ZNF141: variants seen among roughly 807,000 people sequenced by gnomAD.
ZNF141 encodes zinc finger protein 141.
In ZNF141, 7 loss-of-function variants were observed where a neutral mutation model predicts 11.3. The observed-to-expected ratio is 0.62, with a 90% CI of 0.35 to 1.16. The LOEUF is 1.16. Among genes scored for constraint, ZNF141 ranks in the 50% most tolerant of loss-of-function variants. The probability of loss-of-function intolerance (pLI) is 0.02; values close to 1 mark genes in which losing one functional copy is unlikely to be tolerated. For missense variants in ZNF141, 535 were observed against 554.0 expected (o/e 0.97, Z 0.34); for synonymous variants, 183 against 190.7 (o/e 0.96, Z 0.33).
At position 384,438 on chromosome 4, in the gene ZNF141, G is replaced by A. The variant is rs1337159242; in HGVS notation, c.*10576G>A. 2 of 152,214 alleles carry A rather than the reference G, an allele frequency of 1.3e-5. No homozygotes were observed. The highest frequency in any genetic ancestry group is 3.8e-4 in the East Asian group (2 of 5,200). The allele number at this position is 152,214 out of a possible 1,614,324, so 9.4% of individuals were successfully genotyped here. On this transcript the variant is annotated 3_prime_UTR_variant, in exon 4 of 4. Coordinates refer to ENST00000240499, the MANE Select transcript of ZNF141 (RefSeq NM_003441.4). ...CACACCTGCACCACCCATGTAGCTA[G>A]CAGGAAGAAATGTGGTTAAGAACTT...
At position 376,295 on chromosome 4, in the gene ZNF141, T is replaced by C. The variant is rs1236058012; in HGVS notation, c.*2433T>C. 1.4e-4 allele frequency among the ~76,000 whole-genome samples: 22 copies of C among 152,184 alleles called. No individual in the cohort carries two copies. The highest frequency in any genetic ancestry group is 1.2e-3 in the Admixed American group (19 of 15,286). On this transcript the variant is annotated 3_prime_UTR_variant, in exon 4 of 4. Coordinates refer to ENST00000240499, the MANE Select transcript of ZNF141 (RefSeq NM_003441.4). ...TGAAGAATATCATTCCCATATGTTGTATTTTCACTCTTGTTATTTTCCGAA... is the reference window on the plus strand; with the variant it reads ...TGAAGAATATCATTCCCATATGTTGCATTTTCACTCTTGTTATTTTCCGAA...
intron 3 of ZNF141, chr4:358,203 T>TA: frequency 2.6e-6 from 1 of 385,986 alleles, no homozygotes; most frequent in South Asian, 1.9e-5. Context: ...TTTTTTTTTT[T>TA]AAAGATGGAG....
rs1560201375 is a variant in ZNF141 at position 375,857 on chromosome 4, AAGAG to A, written c.*1996_*1999del. Among the ~76,000 whole-genome samples the A allele has an allele frequency of 6.7e-6, 1 of 150,318 alleles. No homozygotes were observed. The highest frequency in any genetic ancestry group is 2.5e-5 in the African/African-American group (1 of 39,850). ...GCATTATTTGTGAATTTTTACAAGA[AAGAG>A]TGAGGACAGAAATGAAAGATCCATG... On this transcript the variant is annotated 3_prime_UTR_variant, in exon 4 of 4. Transcript: ENST00000240499.
Position 380,158 on chromosome 4 carries a change from G to T in ZNF141, c.*6296G>T, listed in dbSNP as rs1221734965. Among the ~76,000 whole-genome samples, 1 of 152,136 alleles carries T rather than the reference G, an allele frequency of 6.6e-6. No individual in the cohort carries two copies. The highest frequency in any genetic ancestry group is 2.4e-5 in the African/African-American group (1 of 41,438). On this transcript the variant is annotated 3_prime_UTR_variant, in exon 4 of 4. Transcript: ENST00000240499. Reference sequence around the variant, plus strand: ...TTATCCACATTGTTTCAAATGAAAAGATTTCCTCCCTTTTAACGTTGAATT... The same window carrying T: ...TTATCCACATTGTTTCAAATGAAAATATTTCCTCCCTTTTAACGTTGAATT...
At chr4:359,940 C>T (rs1722028277) in intron 3 of ZNF141, among the ~76,000 whole-genome samples, 1 of 152,176 alleles carries the variant, frequency 6.6e-6, no homozygotes, top group Admixed American at 6.5e-5. Context: ...ATCTAAAGGC[C>T]TTTCACCTGA....
intron 3 of ZNF141, among the ~76,000 whole-genome samples, chr4:349,924 T>C (rs1721510376): frequency 6.6e-6 from 1 of 152,204 alleles, no homozygotes. Context: ...GGGAACAGTT[T>C]CCACACTTTT....
chr4:373,765 A>G lies in ZNF141; in HGVS notation c.1328A>G (p.Lys443Arg). ...KQFSLLSQHK[K>R]IHTVDKPYKC... ...TTTTCGCTCCTGAGTCAACATAAGA[A>G]AATTCATACTGTAGATAAACCCTAC... The change falls in exon 4 of 4, where the codon AAA (lysine) becomes AGA (arginine). Residue 443 changes from lysine (K) to arginine (R), a missense_variant. By Grantham distance (26) the Lys-to-Arg change is conservative. Transcript: ENST00000240499. 5 of 1,614,032 alleles carry G rather than the reference A, an allele frequency of 3.1e-6. No homozygotes were observed. In the East Asian group the frequency reaches 1.1e-4, roughly 36 times the overall value.
Position 375,826 on chromosome 4 carries a change from A to C in ZNF141, c.*1964A>C, listed in dbSNP as rs1242760172. ...GAGATAAGAGAGATTCTTTTTCATTAGGTGGGCATTATTTGTGAATTTTTA... is the reference window on the plus strand; with the variant it reads ...GAGATAAGAGAGATTCTTTTTCATTCGGTGGGCATTATTTGTGAATTTTTA... On this transcript the variant is annotated 3_prime_UTR_variant, in exon 4 of 4. Transcript: ENST00000240499. 6.6e-6 allele frequency among the ~76,000 whole-genome samples: 1 copy of C among 152,044 alleles called. No individual in the cohort carries two copies. The highest frequency in any genetic ancestry group is 1.5e-5 in the Non-Finnish European group (1 of 67,926).
chr4:369,752 A>AT (rs1711942657), intron 3 of ZNF141, among the ~76,000 whole-genome samples: 2 of 36,674 alleles, frequency 5.5e-5, no homozygotes, highest in African/African-American at 2.5e-4. Context: ...ATATATATAT[A>AT]TATATATATA....
At chr4:347,846 A>T in intron 3 of ZNF141, among the ~76,000 whole-genome samples, 1 of 150,052 alleles carries the variant, frequency 6.7e-6, no homozygotes, top group African/African-American at 2.5e-5. Context: ...CATTTTGGAT[A>T]TTAACTTTTT....
At chr4:360,918 G>A (rs547448463) in intron 3 of ZNF141, among the ~76,000 whole-genome samples, 2 of 152,186 alleles carry the variant, frequency 1.3e-5, no homozygotes, top group South Asian at 4.1e-4. Context: ...TTCTTGGGTA[G>A]TCATCAGTAT....
chr4:381,288 T>C lies in ZNF141; in HGVS notation c.*7426T>C, dbSNP rs1712602795. The stretch of plus-strand genomic sequence containing the variant: ...AGGTTTTTATTTGTTTATAAAACTT[T>C]AAATTTATCTCTAGGAACCTCAGCC... On this transcript the variant is annotated 3_prime_UTR_variant, in exon 4 of 4. Coordinates refer to ENST00000240499, the MANE Select transcript of ZNF141 (RefSeq NM_003441.4). Among the ~76,000 whole-genome samples, 1 of 152,050 alleles carries C rather than the reference T, an allele frequency of 6.6e-6. No individual in the cohort carries two copies. The highest frequency in any genetic ancestry group is 2.4e-5 in the African/African-American group (1 of 41,410).
At chr4:339,700 A>G (rs1029901433) in intron 1 of ZNF141, among the ~76,000 whole-genome samples, 2 of 152,244 alleles carry the variant, frequency 1.3e-5, no homozygotes, top group South Asian at 2.1e-4. Flanking sequence ...TAATCTGTTA[A>G]CTAGGTGATT....
rs1553854491 is a variant in ZNF141, at chr4:375,719, T to A, written c.*1857T>A. Among the ~76,000 whole-genome samples the A allele has an allele frequency of 6.6e-6, 1 of 152,136 alleles. No individual in the cohort carries two copies. Among genetic ancestry groups the A allele is most frequent in the Non-Finnish European group, 1.5e-5 (1 of 67,944 alleles). ...TATAGATTTTTTGAAAAGCATATAA[T>A]AGTTAATTCAACTCAAATTATTTCA... On this transcript the variant is annotated 3_prime_UTR_variant, in exon 4 of 4. Transcript: ENST00000240499.
chr4:360,807 T>A (rs1329399632), intron 3 of ZNF141, among the ~76,000 whole-genome samples: 4 of 152,178 alleles, frequency 2.6e-5, no homozygotes, highest in Admixed American at 2.6e-4. Flanking sequence ...GGGCAAATTT[T>A]AAAAAATATA....
rs1553854734 is a variant in ZNF141, at chr4:376,926, C to T, written c.*3064C>T. 6.6e-6 allele frequency among the ~76,000 whole-genome samples: 1 copy of T among 152,076 alleles called. No homozygotes were observed. Among genetic ancestry groups the T allele is most frequent in the Non-Finnish European group, 1.5e-5 (1 of 67,988 alleles). ...TATTTGTCTGGTGCTCATGCTAGAG[C>T]TATAATTTCTTTGATTCTCTTTTTT... On this transcript the variant is annotated 3_prime_UTR_variant, in exon 4 of 4. Transcript: ENST00000240499.
chr4:342,853 A>G (rs1423670512), intron 1 of ZNF141: 37 of 1,608,628 alleles, frequency 2.3e-5, no homozygotes, highest in African/African-American at 4.0e-5. Flanking sequence ...ATTCATCCCA[A>G]CTGTAGGCTG....
At chr4:343,458 G>C (rs1293538688) in intron 1 of ZNF141, among the ~76,000 whole-genome samples, 1 of 152,128 alleles carries the variant, frequency 6.6e-6, no homozygotes, top group Non-Finnish European at 1.5e-5. Context: ...GGGCGCAGTG[G>C]CTCACGCCTG....
chr4:371,927 C>A (rs1480425781), intron 3 of ZNF141, among the ~76,000 whole-genome samples: 1 of 152,202 alleles, frequency 6.6e-6, no homozygotes, highest in Non-Finnish European at 1.5e-5. Flanking sequence ...TGTACATTAA[C>A]AAAAAGCTAT....
Sources: allele counts gnomAD v4.1 joint callset (sites outside exome capture counted in the v4.1 genomes callset), GRCh38; gene constraint gnomAD v4.1.1; transcripts MANE v1.5; gene names NCBI Gene and HGNC (gene_info 2026-07-23, HGNC 2026-07-21).